CSMD1: variants seen among roughly 807,000 people sequenced by gnomAD.
CSMD1 encodes the protein CUB and sushi domain-containing protein 1.
A neutral mutation model predicts 417.5 loss-of-function variants in CSMD1; 213 were observed. That is an observed-to-expected ratio of 0.51 (90% CI 0.46 to 0.57). The LOEUF is 0.57. Among genes scored for constraint, CSMD1 ranks in the 20% least tolerant of loss-of-function variants. The pLI, the probability that CSMD1 is intolerant of heterozygous loss-of-function variation, is 0.00. For synonymous variants in CSMD1, 2,862 were observed against 1,736.8 expected, an observed-to-expected ratio of 1.65 and a Z score of -16.11; for missense variants, 6,923 against 4,529.7, an observed-to-expected ratio of 1.53 and a Z score of -15.17.
rs116299960 is a variant in CSMD1, at chr8:3,891,867, G to T, written c.818+106036C>A. Reference sequence around the variant, plus strand: ...TCCATTAAAGCTTGCCCAAAAAAAGGCTAGTTACTGACACGTTTATTATGT... The same window carrying T: ...TCCATTAAAGCTTGCCCAAAAAAAGTCTAGTTACTGACACGTTTATTATGT... On this transcript the variant is annotated intron_variant, in intron 5 of 69. Transcript: ENST00000635120. 7.1e-3 allele frequency among the ~76,000 whole-genome samples: 1,085 copies of T among 152,112 alleles called. 14 individuals carry two copies. Among genetic ancestry groups the T allele is most frequent in the African/African-American group, 0.025 (1,030 of 41,486 alleles).
At chr8:3,059,526 A>T (rs1026090245) in intron 49 of CSMD1, among the ~76,000 whole-genome samples, 1 of 152,044 alleles carries the variant, frequency 6.6e-6, no homozygotes, top group Non-Finnish European at 1.5e-5. Flanking sequence ...GGGACACACG[A>T]CTCAGGGCCC....
intron 31 of CSMD1, among the ~76,000 whole-genome samples, chr8:3,203,189 C>T (rs532042498): frequency 4.6e-4 from 70 of 152,292 alleles, no homozygotes; most frequent in Middle Eastern, 3.4e-3. Context: ...CATGCTCTAA[C>T]GTGTTTGGTA....
At chr8:3,762,554 G>T (rs1469021392) in intron 5 of CSMD1, among the ~76,000 whole-genome samples, 7 of 152,240 alleles carry the variant, frequency 4.6e-5, no homozygotes, top group Non-Finnish European at 7.3e-5. Context: ...GCACAGGCGT[G>T]TAACTCCATT....
rs1231401490 is a variant in CSMD1, at chr8:3,367,105, T to C, written c.3042A>G (p.Gly1014=). The change falls in exon 20 of 70, where the codon GGA becomes GGG. Residue 1014 remains glycine (G), a synonymous_variant. Coordinates refer to ENST00000635120, the MANE Select transcript of CSMD1 (RefSeq NM_033225.6). ...LPHTIKAGLF[G]NFTAQLRFIS... Reference sequence around the variant, plus strand: ...TAAACCGAAGCTGGGCAGTGAAGTTTCCAAACAGGCCTGCCTTGATCGTAT... The same window carrying C: ...TAAACCGAAGCTGGGCAGTGAAGTTCCCAAACAGGCCTGCCTTGATCGTAT... 1 of 1,613,804 alleles carries C rather than the reference T, an allele frequency of 6.2e-7. No individual in the cohort carries two copies. Among genetic ancestry groups the C allele is most frequent in the Admixed American group, 1.7e-5 (1 of 60,002 alleles).
chr8:3,561,349 A>G (rs1799458857), intron 10 of CSMD1, among the ~76,000 whole-genome samples: 1 of 152,218 alleles, frequency 6.6e-6, no homozygotes, highest in South Asian at 2.1e-4. Flanking sequence ...TTCATTATAC[A>G]CTATTCACAA....
intron 3 of CSMD1, among the ~76,000 whole-genome samples, chr8:4,059,506 T>G (rs1798862163): frequency 6.6e-6 from 1 of 152,112 alleles, no homozygotes; most frequent in South Asian, 2.1e-4. Flanking sequence ...ATCCAGGAGC[T>G]GGTTTTTTGA....
At chr8:3,054,992 C>A (rs1173369819) in intron 49 of CSMD1, among the ~76,000 whole-genome samples, 2 of 152,144 alleles carry the variant, frequency 1.3e-5, no homozygotes, top group Non-Finnish European at 2.9e-5. Flanking sequence ...CATTTTCTCT[C>A]AGATTTCACT....
chr8:4,076,841 C>A lies in CSMD1; in HGVS notation c.416-44742G>T, dbSNP rs1223590502. 2.0e-5 allele frequency among the ~76,000 whole-genome samples: 3 copies of A among 152,274 alleles called. No individual in the cohort carries two copies. In the East Asian group the frequency reaches 5.8e-4, roughly 29 times the overall value. ...GCCATGCCTTTGCTTTAACTGCTAA[C>A]TTAAGATAGGCTACTCTTTTCTCAT... is the stretch of plus-strand genomic sequence containing the variant. On this transcript the variant is annotated intron_variant, in intron 3 of 69. Transcript: ENST00000635120.
chr8:4,507,864 T>A (rs1248588360), intron 2 of CSMD1, among the ~76,000 whole-genome samples: 2 of 152,132 alleles, frequency 1.3e-5, no homozygotes, highest in African/African-American at 2.4e-5. Context: ...TATACACTGG[T>A]CAATTTCAGT....
intron 52 of CSMD1, among the ~76,000 whole-genome samples, chr8:3,016,572 GT>G (rs1808853164): frequency 6.6e-6 from 1 of 152,130 alleles, no homozygotes; most frequent in Non-Finnish European, 1.5e-5. Flanking sequence ...CAAAATGTTT[GT>G]GCTAAATGAA....
intron 6 of CSMD1, among the ~76,000 whole-genome samples, chr8:3,727,400 G>A (rs1363111033): frequency 6.6e-6 from 1 of 152,230 alleles, no homozygotes; most frequent in South Asian, 2.1e-4. Flanking sequence ...GTACCAAGTG[G>A]ATACCTCAGC....
At chr8:4,342,041 A>G (rs1800506537) in intron 3 of CSMD1, among the ~76,000 whole-genome samples, 1 of 152,108 alleles carries the variant, frequency 6.6e-6, no homozygotes, top group Non-Finnish European at 1.5e-5. Context: ...AATTCTTGAT[A>G]TGAATTTGGA....
intron 5 of CSMD1, among the ~76,000 whole-genome samples, chr8:3,966,528 T>A (rs1812687576): frequency 6.6e-6 from 1 of 152,234 alleles, no homozygotes; most frequent in South Asian, 2.1e-4. Context: ...GAGAAAATTG[T>A]ATTCTTTTGT....
intron 12 of CSMD1, among the ~76,000 whole-genome samples, chr8:3,422,596 G>C (rs1308908723): frequency 1.3e-5 from 2 of 152,078 alleles, no homozygotes; most frequent in Middle Eastern, 3.2e-3. Context: ...GTTACAATAG[G>C]GCTAGACCAT....
At chr8:4,023,187 G>C (rs968904011) in intron 4 of CSMD1, among the ~76,000 whole-genome samples, 1 of 152,196 alleles carries the variant, frequency 6.6e-6, no homozygotes, top group Non-Finnish European at 1.5e-5. Context: ...CCAGTGCAAT[G>C]TTGCAGGCTA....
chr8:3,939,430 A>G (rs1450419421), intron 5 of CSMD1, among the ~76,000 whole-genome samples: 1 of 152,162 alleles, frequency 6.6e-6, no homozygotes, highest in African/African-American at 2.4e-5. Flanking sequence ...AACTACTACA[A>G]CTACTATGAA....
intron 26 of CSMD1, among the ~76,000 whole-genome samples, chr8:3,254,707 G>C (rs1800517964): frequency 6.6e-6 from 1 of 152,086 alleles, no homozygotes. Context: ...CTCGAGCCTT[G>C]GTTTTCAGCT....
At chr8:3,419,487 C>T (rs1973464) in intron 12 of CSMD1, among the ~76,000 whole-genome samples, 2,859 of 152,246 alleles carry the variant, frequency 0.019, 57 homozygotes, top group East Asian at 0.096. Context: ...AGCATATACA[C>T]TGATTTTTAA....
At chr8:3,851,080 T>C (rs910404510) in intron 5 of CSMD1, among the ~76,000 whole-genome samples, 16 of 152,228 alleles carry the variant, frequency 1.1e-4, no homozygotes, top group Non-Finnish European at 2.1e-4. Context: ...TTCAAATCTA[T>C]TTAGGTATAA....
Sources: gnomAD v4.1 joint callset for allele counts (sites outside exome capture counted in the v4.1 genomes callset) on GRCh38, gnomAD v4.1.1 for gene constraint, MANE v1.5 for transcripts, NCBI Gene and HGNC (gene_info 2026-07-23, HGNC 2026-07-21) for gene names.